Variants in FXYD5 observed in about 807,000 individuals in gnomAD.
The protein encoded by FXYD5 is FXYD domain containing ion transport regulator 5.
FXYD5 carries 21 observed loss-of-function variants against 25.7 expected under a neutral mutation model. The observed-to-expected ratio is 0.82, with a 90% CI of 0.58 to 1.18. The LOEUF is 1.18. Ranked by LOEUF, FXYD5 falls within the 50% of genes most tolerant of loss-of-function variation. The probability of loss-of-function intolerance (pLI) is 0.00; values close to 1 mark genes in which losing one functional copy is unlikely to be tolerated. For missense variants in FXYD5, 229 were observed against 227.7 expected, an observed-to-expected ratio of 1.01 and a Z score of -0.04; for synonymous variants, 101 against 90.7, an observed-to-expected ratio of 1.11 and a Z score of -0.64.
chr19:35,166,626 C>G (rs570205448), intron 8 of FXYD5: 271 of 445,740 alleles, frequency 6.1e-4, no homozygotes, highest in Non-Finnish European at 9.4e-4. Context: ...TCTGGGGTGC[C>G]TTGGCTCTTT....
At chr19:35,165,422 G>T (rs1468342286) in intron 6 of FXYD5, among the ~76,000 whole-genome samples, 1 of 151,982 alleles carries the variant, frequency 6.6e-6, no homozygotes, top group Non-Finnish European at 1.5e-5. Flanking sequence ...CTGTCATGGT[G>T]CTGGTAGGAG....
At position 35,157,502 on chromosome 19, in the gene FXYD5, G is replaced by C; in HGVS notation, c.142+1G>C. 1 of 1,452,316 alleles carries C rather than the reference G, an allele frequency of 6.9e-7. No individual in the cohort carries two copies. Among genetic ancestry groups the C allele is most frequent in the Non-Finnish European group, 9.7e-7 (1 of 1,033,124 alleles). The allele number at this position is 1,452,316 out of a possible 1,614,324, so 90.0% of individuals were successfully genotyped here. A position where few individuals can be genotyped will look rare whatever the true frequency, so the allele number is the denominator to read the frequency against. ...ATTCAGGTCCCGACACGAGCCCCAG[G>C]TGAGGAAAGGGACACATCTATCAAG... On this transcript the variant is annotated splice_donor_variant, in intron 3 of 8. Coordinates refer to ENST00000392219, the MANE Select transcript of FXYD5 (RefSeq NM_014164.6). LOFTEE classifies it high-confidence loss of function.
At chr19:35,160,358 G>GT (rs1218817081) in intron 4 of FXYD5, among the ~76,000 whole-genome samples, 1 of 152,068 alleles carries the variant, frequency 6.6e-6, no homozygotes. Context: ...AGCCTCTTAG[G>GT]TTTTTTCTGA....
At chr19:35,156,501 G>A (rs901089781) in intron 2 of FXYD5, among the ~76,000 whole-genome samples, 2 of 152,198 alleles carry the variant, frequency 1.3e-5, no homozygotes, top group Admixed American at 1.3e-4. Flanking sequence ...AGGTAATGAG[G>A]ATTGTTTAAA....
intron 5 of FXYD5, among the ~76,000 whole-genome samples, chr19:35,162,667 C>T (rs556259570): frequency 1.2e-4 from 18 of 152,232 alleles, no homozygotes; most frequent in South Asian, 2.1e-4. Flanking sequence ...CAAAGGCCCT[C>T]GCTCCAAAAT....
intron 4 of FXYD5, among the ~76,000 whole-genome samples, chr19:35,160,482 G>A (rs1004720675): frequency 4.6e-5 from 7 of 152,146 alleles, no homozygotes; most frequent in Non-Finnish European, 1.0e-4. Context: ...GAGTAGCTGA[G>A]ATTAGAGGCA....
rs2065364496 is a variant in FXYD5, at chr19:35,157,272, CA to C, written c.62-148del. ...TCCCAGGCATTGGCATAGCTGAAAA[CA>C]CTTTCAGAATTATGGATTGATGCAG... On this transcript the variant is annotated intron_variant, in intron 2 of 8. Coordinates refer to ENST00000392219, the MANE Select transcript of FXYD5 (RefSeq NM_014164.6). The C allele has an allele frequency of 2.8e-5, 15 of 540,568 alleles. No homozygotes were observed. The Admixed American group carries it at 4.8e-4, about 17-fold the overall frequency. The allele number at this position is 540,568 out of a possible 1,614,324, so 33.5% of individuals were successfully genotyped here. A position where few individuals can be genotyped will look rare whatever the true frequency, so the allele number is the denominator to read the frequency against.
At chr19:35,159,252 C>T (rs1397847403) in intron 4 of FXYD5, among the ~76,000 whole-genome samples, 2 of 152,316 alleles carry the variant, frequency 1.3e-5, no homozygotes, top group East Asian at 3.9e-4. Flanking sequence ...TGTCACCTCC[C>T]CTCCCCAATC....
chr19:35,162,480 C>T (rs929906594), intron 5 of FXYD5, among the ~76,000 whole-genome samples: 9 of 152,252 alleles, frequency 5.9e-5, no homozygotes, highest in Non-Finnish European at 1.0e-4. Flanking sequence ...TGGTGTCTGT[C>T]GAGGGCTCCC....
intron 5 of FXYD5, among the ~76,000 whole-genome samples, chr19:35,161,221 A>AACACACACACACACATACACACAC (rs2065402048): frequency 2.6e-5 from 1 of 38,204 alleles, no homozygotes; most frequent in African/African-American, 1.1e-4. Context: ...ATTCACCTTA[A>AACACACACACACACATACACACAC]ACACACACAC....
At chr19:35,166,112 C>T in intron 6 of FXYD5, 30 bp from the exon 7 acceptor site, 1 of 1,612,176 alleles carries the variant, frequency 6.2e-7, no homozygotes, top group South Asian at 1.1e-5. Flanking sequence ...CTTTGCTGAA[C>T]CCTGACTTGC....
At chr19:35,165,186 G>T (rs2065440090) in intron 6 of FXYD5, among the ~76,000 whole-genome samples, 1 of 152,208 alleles carries the variant, frequency 6.6e-6, no homozygotes, top group African/African-American at 2.4e-5. Flanking sequence ...AGTCCATAGA[G>T]TTTATTTAGA....
At chr19:35,165,321 G>A (rs1029073486) in intron 6 of FXYD5, among the ~76,000 whole-genome samples, 6 of 152,172 alleles carry the variant, frequency 3.9e-5, no homozygotes, top group Admixed American at 2.0e-4. Flanking sequence ...TGAGTTTTCT[G>A]GGAAAGGGGT....
intron 8 of FXYD5, chr19:35,166,567 AT>A: frequency 2.2e-6 from 1 of 463,132 alleles, no homozygotes; most frequent in Non-Finnish European, 3.8e-6. Context: ...TCTCAACTGG[AT>A]TTACTCTTGC....
intron 8 of FXYD5, among the ~76,000 whole-genome samples, chr19:35,167,476 A>G (rs1291210512): frequency 9.2e-5 from 14 of 152,184 alleles, no homozygotes; most frequent in African/African-American, 2.9e-4. Flanking sequence ...TCTCCTGCCA[A>G]TGCTTAACCA....
At chr19:35,164,340 A>G (rs2065432789) in intron 6 of FXYD5, 95 bp downstream of exon 6, 1 of 1,251,816 alleles carries the variant, frequency 8.0e-7, no homozygotes, top group Non-Finnish European at 1.1e-6. Context: ...AATAGTTCTC[A>G]GTAAAGACGT....
At chr19:35,166,008 T>C (rs1299371057) in intron 6 of FXYD5, 134 bp from the exon 7 acceptor site, 20 of 797,834 alleles carry the variant, frequency 2.5e-5, no homozygotes, top group Non-Finnish European at 4.0e-5. Flanking sequence ...GGGAGCCAGA[T>C]TGTGTGCCAT....
chr19:35,163,694 C>T (rs1179743475), intron 5 of FXYD5, among the ~76,000 whole-genome samples: 1 of 152,048 alleles, frequency 6.6e-6, no homozygotes, highest in African/African-American at 2.4e-5. Flanking sequence ...GTTGGCCAGA[C>T]TGGTCTTGAG....
intron 4 of FXYD5, among the ~76,000 whole-genome samples, chr19:35,158,985 G>A (rs573016384): frequency 3.2e-4 from 48 of 152,110 alleles, no homozygotes; most frequent in Admixed American, 1.1e-3. Flanking sequence ...AAAATTAGCC[G>A]AGTGCGTTGG....
Sources: allele counts gnomAD v4.1 joint callset (sites outside exome capture counted in the v4.1 genomes callset), GRCh38; gene constraint gnomAD v4.1.1; transcripts MANE v1.5; gene names NCBI Gene and HGNC (gene_info 2026-07-23, HGNC 2026-07-21).